The following POTEC variants were observed in gnomAD, a reference collection of about 807,000 sequenced individuals.
The protein encoded by POTEC is ANKRD26-like family B member 2.
POTEC carries 35 observed loss-of-function variants against 62.0 expected under a neutral mutation model. The observed-to-expected ratio is 0.56, with a 90% confidence interval of 0.43 to 0.75. POTEC has a LOEUF of 0.75. Among genes scored for constraint, POTEC ranks in the 30% least tolerant of loss-of-function variants. The pLI, the probability that POTEC is intolerant of heterozygous loss-of-function variation, is 0.00. For missense variants in POTEC, 472 were observed against 655.9 expected (o/e 0.72, Z 3.06); for synonymous variants, 156 against 221.5 (o/e 0.70, Z 2.62).
chr18:14,535,299 C>CATTTAAACAAAAA (rs2143157904), intron 3 of POTEC, among the ~76,000 whole-genome samples: 1 of 143,802 alleles, frequency 7.0e-6, no homozygotes, highest in African/African-American at 2.6e-5. Context: ...TTTTTTTTTT[C>CATTTAAACAAAAA]ATTTAAACAA....
At chr18:14,539,562 G>T (rs1303768195) in intron 1 of POTEC, among the ~76,000 whole-genome samples, 2 of 149,800 alleles carry the variant, frequency 1.3e-5, no homozygotes, top group East Asian at 2.0e-4. Context: ...GTTTGCTAAG[G>T]ATAATGGCCT....
At chr18:14,530,111 T>G (rs910716405) in intron 6 of POTEC, among the ~76,000 whole-genome samples, 94 of 151,730 alleles carry the variant, frequency 6.2e-4, no homozygotes, top group Non-Finnish European at 1.2e-3. Flanking sequence ...CACTAGATAC[T>G]CATTGGAGCA....
At chr18:14,519,506 C>G (rs1297741477) in intron 9 of POTEC, among the ~76,000 whole-genome samples, 2 of 152,098 alleles carry the variant, frequency 1.3e-5, no homozygotes, top group African/African-American at 2.4e-5. Flanking sequence ...CACCTGAGGT[C>G]AGGAGTTTGA....
intron 6 of POTEC, 36 bp downstream of exon 6, chr18:14,530,447 A>C (rs1905469114): frequency 6.2e-7 from 1 of 1,601,512 alleles, no homozygotes; most frequent in African/African-American, 1.3e-5. Flanking sequence ...CATTGTGGAC[A>C]ACTGACCTAA....
At position 14,526,941 on chromosome 18, in the gene POTEC, A is replaced by G. The variant is rs138826226; in HGVS notation, c.1127-1958T>C. On this transcript the variant is annotated intron_variant, in intron 6 of 10. Coordinates refer to ENST00000358970, the MANE Select transcript of POTEC (RefSeq NM_001137671.2). Reference sequence around the variant, plus strand: ...ATGTGGACACAGCTGAGATGATACTACGTAGCAAATTCTTAATAATTCTCA... The same window carrying G: ...ATGTGGACACAGCTGAGATGATACTGCGTAGCAAATTCTTAATAATTCTCA... Among the ~76,000 whole-genome samples the G allele has an allele frequency of 5.4e-3, 827 of 152,276 alleles. 8 individuals are homozygous for G. Among genetic ancestry groups the G allele is most frequent in the African/African-American group, 0.019 (805 of 41,564 alleles).
Position 14,510,187 on chromosome 18 carries a change from GC to G in POTEC, c.*1710del, listed in dbSNP as rs1264869656. On this transcript the variant is annotated 3_prime_UTR_variant, in exon 11 of 11. Coordinates refer to ENST00000358970, the MANE Select transcript of POTEC (RefSeq NM_001137671.2). ...GCCACGGTTCCTTGTCTGGTGATGAGCAGTAAGGGGTGTGTTGTACCTGTGG... is the reference window on the plus strand; with the variant it reads ...GCCACGGTTCCTTGTCTGGTGATGAGAGTAAGGGGTGTGTTGTACCTGTGG... The G allele has an allele frequency of 2.0e-5, 3 of 152,380 alleles. No homozygotes were observed. The highest frequency in any genetic ancestry group is 2.9e-5 in the Non-Finnish European group (2 of 68,196). 9.4% of individuals were successfully genotyped at this position (152,380 alleles called of 1,614,324 possible). A position where few individuals can be genotyped will look rare whatever the true frequency, so the allele number is the denominator to read the frequency against.
At chr18:14,527,245 C>T (rs1342041077) in intron 6 of POTEC, among the ~76,000 whole-genome samples, 1 of 152,134 alleles carries the variant, frequency 6.6e-6, no homozygotes, top group East Asian at 1.9e-4. Flanking sequence ...AACACTCTTT[C>T]TCTTACTTCT....
chr18:14,515,076 C>T lies in POTEC; in HGVS notation c.1410-1291G>A, dbSNP rs1910111424. On this transcript the variant is annotated intron_variant, in intron 9 of 10. Coordinates refer to ENST00000358970, the MANE Select transcript of POTEC (RefSeq NM_001137671.2). The stretch of plus-strand genomic sequence containing the variant: ...CAGATGATACAAATAAATGAACATA[C>T]ATTCTATGTTCCTGGACTGAAAGCA... Among the ~76,000 whole-genome samples, 3 of 152,202 alleles carry T rather than the reference C, an allele frequency of 2.0e-5. No homozygotes were observed. The East Asian group carries it at 5.8e-4, about 29-fold the overall frequency.
At chr18:14,532,944 C>T in intron 5 of POTEC, 117 bp downstream of exon 5, 1 of 1,587,906 alleles carries the variant, frequency 6.3e-7, no homozygotes, top group Non-Finnish European at 8.6e-7. Context: ...AACTCACTGC[C>T]AATCTAAAAC....
intron 3 of POTEC, among the ~76,000 whole-genome samples, chr18:14,537,050 A>C (rs1178337412): frequency 1.3e-5 from 2 of 151,328 alleles, no homozygotes; most frequent in African/African-American, 4.9e-5. Flanking sequence ...AGGCCTCCTA[A>C]AATTTATCTC....
rs931263335 is a variant in POTEC, at chr18:14,510,676, C to A, written c.*1222G>T. ...GAACCTGTTGCCAATCTCAACACAC[C>A]TGTAGGATGTGACTGGAAGCAAGTT... is the stretch of plus-strand genomic sequence containing the variant. On this transcript the variant is annotated 3_prime_UTR_variant, in exon 11 of 11. Transcript: ENST00000358970. The A allele has an allele frequency of 2.8e-4, 43 of 152,108 alleles. 2 individuals carry two copies. 9.4% of individuals were successfully genotyped at this position (152,108 alleles called of 1,614,324 possible). A position where few individuals can be genotyped will look rare whatever the true frequency, so the allele number is the denominator to read the frequency against.
In POTEC at chr18:14,518,553, G is replaced by A. The variant is rs547718943; in HGVS notation, c.1409+3701C>T. Among the ~76,000 whole-genome samples, 454 of 144,306 alleles carry A rather than the reference G, an allele frequency of 3.1e-3. 3 individuals are homozygous for A. The highest frequency in any genetic ancestry group is 0.011 in the African/African-American group (427 of 39,096). 94.7% of individuals were successfully genotyped at this position (144,306 alleles called of 152,430 possible). A position where few individuals can be genotyped will look rare whatever the true frequency, so the allele number is the denominator to read the frequency against. On this transcript the variant is annotated intron_variant, in intron 9 of 10. Transcript: ENST00000358970. ...TTTCACTGAACCTTCCCTTCGTTAC[G>A]TTAGAGAGCATCCCTGGTAGGCACC... is the stretch of plus-strand genomic sequence containing the variant.
At chr18:14,516,135 C>T (rs1424477471) in intron 9 of POTEC, among the ~76,000 whole-genome samples, 2 of 149,830 alleles carry the variant, frequency 1.3e-5, no homozygotes, top group Non-Finnish European at 3.0e-5. Context: ...TAGATCTTAC[C>T]ATTCTATCCA....
intron 9 of POTEC, among the ~76,000 whole-genome samples, chr18:14,515,214 G>A (rs1209081310): frequency 1.1e-4 from 16 of 152,150 alleles, no homozygotes; most frequent in Admixed American, 9.2e-4. Flanking sequence ...TGCCATTCAT[G>A]TAGAACCACA....
At chr18:14,524,856 C>A in intron 7 of POTEC, 57 bp downstream of exon 7, 1 of 1,583,024 alleles carries the variant, frequency 6.3e-7, no homozygotes, top group African/African-American at 1.4e-5. Context: ...TATCTAATAT[C>A]GTTAAAGCAA....
intron 6 of POTEC, among the ~76,000 whole-genome samples, chr18:14,525,495 C>T (rs1910413175): frequency 1.3e-5 from 2 of 151,890 alleles, no homozygotes; most frequent in South Asian, 4.2e-4. Flanking sequence ...ACCATCTCCC[C>T]TCCCCCTCAG....
rs1271584056 is a variant in POTEC, at chr18:14,508,156, T to A, written c.*3742A>T. 2 of 152,208 alleles carry A rather than the reference T, an allele frequency of 1.3e-5. No individual in the cohort carries two copies. Among genetic ancestry groups the A allele is most frequent in the Non-Finnish European group, 2.9e-5 (2 of 68,034 alleles). The allele number at this position is 152,208 out of a possible 1,614,324, so 9.4% of individuals were successfully genotyped here. On this transcript the variant is annotated 3_prime_UTR_variant, in exon 11 of 11. Transcript: ENST00000358970. ...TTCTCATGAATGATATTCTGAAATG[T>A]GTTTTCCAAGTTGGTTCCATTCTCC... is the stretch of plus-strand genomic sequence containing the variant.
At chr18:14,539,263 T>A (rs1402380537) in intron 1 of POTEC, among the ~76,000 whole-genome samples, 2 of 152,084 alleles carry the variant, frequency 1.3e-5, no homozygotes. Context: ...AAACTATTTG[T>A]GGAGCTTTTT....
chr18:14,516,841 T>C (rs1352925637), intron 9 of POTEC, among the ~76,000 whole-genome samples: 2 of 151,948 alleles, frequency 1.3e-5, no homozygotes, highest in Non-Finnish European at 2.9e-5. Context: ...CAGCAAACTG[T>C]AATTACTTTT....
Sources: gnomAD v4.1 joint callset for allele counts (sites outside exome capture counted in the v4.1 genomes callset) on GRCh38, gnomAD v4.1.1 for gene constraint, MANE v1.5 for transcripts, NCBI Gene and HGNC (gene_info 2026-07-23, HGNC 2026-07-21) for gene names.